Variants in NAALADL2 observed in about 807,000 individuals in gnomAD.
NAALADL2 encodes inactive N-acetylated-alpha-linked acidic dipeptidase-like protein 2.
Under a neutral mutation model 87.2 loss-of-function variants are expected in NAALADL2, and 76 were observed. The ratio of observed to expected loss-of-function variants is 0.87; its 90% CI spans 0.72 to 1.05. The LOEUF (loss-of-function observed/expected upper bound fraction) is 1.05, where lower values mean the gene tolerates loss of function less well. Among genes scored for constraint, NAALADL2 ranks in the 50% least tolerant of loss-of-function variants. The pLI is 0.00. For missense variants in NAALADL2, 1,089 were observed against 945.8 expected (o/e 1.15, Z -1.99); for synonymous variants, 354 against 331.0 (o/e 1.07, Z -0.75).
chr3:174,555,129 A>G (rs147011584), intron 2 of NAALADL2, among the ~76,000 whole-genome samples: 11 of 152,322 alleles, frequency 7.2e-5, no homozygotes, highest in Admixed American at 3.3e-4. Context: ...GGACGCAAAT[A>G]TTCAGACCAT....
chr3:174,871,899 A>AAAAT (rs3884085), intron 1 of NAALADL2, among the ~76,000 whole-genome samples: 8,390 of 151,718 alleles, frequency 0.055, 792 homozygotes, highest in African/African-American at 0.19. Flanking sequence ...ACTCTGTTTC[A>AAAAT]AAATAAATAA....
At chr3:175,519,888 G>A (rs1027326919) in intron 9 of NAALADL2, among the ~76,000 whole-genome samples, 3 of 152,064 alleles carry the variant, frequency 2.0e-5, no homozygotes, top group Non-Finnish European at 2.9e-5. Context: ...CATTTCACTA[G>A]GATACGCAAT....
At chr3:174,591,823 G>A (rs994863917) in intron 2 of NAALADL2, among the ~76,000 whole-genome samples, 6 of 151,846 alleles carry the variant, frequency 4.0e-5, no homozygotes, top group Admixed American at 2.0e-4. Context: ...TTATTTAGTT[G>A]GTTTGTTGGT....
At chr3:175,270,208 T>C (rs577176215) in intron 4 of NAALADL2, among the ~76,000 whole-genome samples, 1 of 152,310 alleles carries the variant, frequency 6.6e-6, no homozygotes, top group South Asian at 2.1e-4. Flanking sequence ...TTCTCATTTA[T>C]GTGGAGAGTG....
chr3:175,528,192 G>A (rs886089827), intron 9 of NAALADL2, among the ~76,000 whole-genome samples: 1 of 151,878 alleles, frequency 6.6e-6, no homozygotes, highest in East Asian at 1.9e-4. Context: ...TAAATAACGG[G>A]GAGTTTATTA....
At chr3:175,450,260 C>T (rs1721367019) in intron 6 of NAALADL2, among the ~76,000 whole-genome samples, 1 of 151,968 alleles carries the variant, frequency 6.6e-6, no homozygotes, top group African/African-American at 2.4e-5. Flanking sequence ...GAAAAGGATA[C>T]TGAATGAGGT....
At chr3:175,072,084 A>G (rs531145452) in intron 1 of NAALADL2, among the ~76,000 whole-genome samples, 76 of 152,216 alleles carry the variant, frequency 5.0e-4, no homozygotes, top group African/African-American at 1.8e-3. Context: ...TAAAACCCAC[A>G]ACATCAAAAT....
chr3:175,067,862 G>A (rs578178541), intron 1 of NAALADL2, among the ~76,000 whole-genome samples: 317 of 152,168 alleles, frequency 2.1e-3, no homozygotes, highest in Non-Finnish European at 3.5e-3. Flanking sequence ...ATGGTAGATA[G>A]GATAAAGAAA....
intron 1 of NAALADL2, among the ~76,000 whole-genome samples, chr3:174,509,474 T>G (rs368578069): frequency 1.4e-3 from 204 of 149,274 alleles, no homozygotes; most frequent in Non-Finnish European, 2.5e-3. Flanking sequence ...TGGTATCTGC[T>G]CACTGCAACC....
intron 1 of NAALADL2, among the ~76,000 whole-genome samples, chr3:174,922,402 C>T (rs1456839353): frequency 6.6e-6 from 1 of 151,496 alleles, no homozygotes; most frequent in Non-Finnish European, 1.5e-5. Context: ...AAAAATAAGA[C>T]ACAAGTTTCA....
chr3:174,752,097 C>T (rs1339708386), intron 3 of NAALADL2, among the ~76,000 whole-genome samples: 2 of 152,002 alleles, frequency 1.3e-5, no homozygotes, highest in East Asian at 1.9e-4. Flanking sequence ...CCTGCCTCAG[C>T]CTCTCGAGTA....
chr3:175,056,146 G>A (rs1379520050), intron 1 of NAALADL2, among the ~76,000 whole-genome samples: 1 of 152,072 alleles, frequency 6.6e-6, no homozygotes, highest in Non-Finnish European at 1.5e-5. Flanking sequence ...AGATCTGGAG[G>A]GTCCGGCCGC....
chr3:175,768,235 TAC>T (rs1253235908), intron 13 of NAALADL2, among the ~76,000 whole-genome samples: 3 of 152,338 alleles, frequency 2.0e-5, no homozygotes, highest in Admixed American at 6.5e-5. Context: ...GCACTTCATA[TAC>T]TCGATGCATA....
chr3:175,262,551 C>T (rs190450116), intron 4 of NAALADL2, among the ~76,000 whole-genome samples: 29 of 147,222 alleles, frequency 2.0e-4, no homozygotes, highest in African/African-American at 7.3e-4. Flanking sequence ...CAATATTTAA[C>T]AGATAAAATA....
chr3:175,618,971 A>G (rs947477371), intron 10 of NAALADL2, among the ~76,000 whole-genome samples: 1 of 152,170 alleles, frequency 6.6e-6, no homozygotes, highest in Non-Finnish European at 1.5e-5. Flanking sequence ...CTAGCCTTCT[A>G]CTGTTGACTG....
chr3:175,216,668 C>CTTTTTTTTTTT (rs3067029), intron 2 of NAALADL2, among the ~76,000 whole-genome samples: 6 of 87,344 alleles, frequency 6.9e-5, no homozygotes, highest in South Asian at 3.8e-4. Flanking sequence ...TTTTTCTTTT[C>CTTTTTTTTTTT]TTTTTTTTTT....
chr3:174,789,346 G>A (rs1333939950), intron 3 of NAALADL2, among the ~76,000 whole-genome samples: 2 of 152,178 alleles, frequency 1.3e-5, no homozygotes, highest in African/African-American at 4.8e-5. Flanking sequence ...GTGAGGTAGG[G>A]TAGGTAGAGG....
At chr3:175,060,944 G>A (rs540721965) in intron 1 of NAALADL2, among the ~76,000 whole-genome samples, 72 of 152,316 alleles carry the variant, frequency 4.7e-4, no homozygotes, top group African/African-American at 1.7e-3. Flanking sequence ...TATTTGGGAG[G>A]CTGAGGCAGG....
At chr3:174,966,163 A>G (rs1037790899) in intron 1 of NAALADL2, among the ~76,000 whole-genome samples, 3 of 152,166 alleles carry the variant, frequency 2.0e-5, no homozygotes, top group Non-Finnish European at 2.9e-5. Flanking sequence ...TACTACTGCC[A>G]CATCAATCTT....
Sources: gnomAD v4.1 joint callset for allele counts (sites outside exome capture counted in the v4.1 genomes callset) on GRCh38, gnomAD v4.1.1 for gene constraint, MANE v1.5 for transcripts, NCBI Gene and HGNC (gene_info 2026-07-23, HGNC 2026-07-21) for gene names.